Variants in PRKG1 observed in about 807,000 individuals in gnomAD.
The protein encoded by PRKG1 is protein kinase cGMP-dependent 1, also known as cGMP-dependent protein kinase 1.
Under a neutral mutation model 88.1 loss-of-function variants are expected in PRKG1, and 35 were observed. The ratio of observed to expected loss-of-function variants is 0.40; its 90% CI spans 0.30 to 0.53. The LOEUF (loss-of-function observed/expected upper bound fraction) is 0.53, where lower values mean the gene tolerates loss of function less well. PRKG1 is among the 20% of genes least tolerant of loss of function. PRKG1 has a pLI of 0.59. For synonymous variants in PRKG1, 303 were observed against 292.5 expected, an observed-to-expected ratio of 1.04 and a Z score of -0.37; for missense variants, 540 against 839.8, an observed-to-expected ratio of 0.64 and a Z score of 4.41.
chr10:51,995,254 T>C (rs924037455), intron 5 of PRKG1, among the ~76,000 whole-genome samples: 1 of 152,030 alleles, frequency 6.6e-6, no homozygotes, highest in Non-Finnish European at 1.5e-5. Flanking sequence ...ATTTTGTGTG[T>C]GGTAGGTACT....
chr10:51,121,803 G>A (rs562329769), intron 1 of PRKG1, among the ~76,000 whole-genome samples: 66 of 152,224 alleles, frequency 4.3e-4, no homozygotes, highest in African/African-American at 1.3e-3. Flanking sequence ...CTAACTGTTC[G>A]TTGGATTCGT....
intron 1 of PRKG1, among the ~76,000 whole-genome samples, chr10:51,047,786 C>G (rs1843509154): frequency 6.6e-6 from 1 of 151,718 alleles, no homozygotes; most frequent in African/African-American, 2.4e-5. Context: ...TATTTTCTAT[C>G]AAAAATGAAA....
intron 2 of PRKG1, among the ~76,000 whole-genome samples, chr10:51,222,175 C>T (rs143687083): frequency 0.021 from 3,222 of 150,252 alleles, 47 homozygotes; most frequent in Middle Eastern, 0.042. Flanking sequence ...CATGAGCCAC[C>T]GCGCCCAGCC....
chr10:51,384,276 T>G (rs1170541508), intron 2 of PRKG1, among the ~76,000 whole-genome samples: 1 of 152,136 alleles, frequency 6.6e-6, no homozygotes, highest in Admixed American at 6.5e-5. Context: ...CAGCTACATG[T>G]ACAAGTTCTA....
At chr10:52,196,823 C>A (rs571202113) in intron 9 of PRKG1, among the ~76,000 whole-genome samples, 2 of 151,954 alleles carry the variant, frequency 1.3e-5, no homozygotes, top group African/African-American at 4.8e-5. Flanking sequence ...ATTTCAAAAC[C>A]TCTTTGAAAT....
chr10:51,470,022 CT>C (rs1435591501), intron 3 of PRKG1, among the ~76,000 whole-genome samples: 1 of 151,766 alleles, frequency 6.6e-6, no homozygotes, highest in Non-Finnish European at 1.5e-5. Flanking sequence ...GGAGATTGTA[CT>C]TGTGACTGTA....
chr10:52,062,113 A>G (rs1303717647), intron 6 of PRKG1, among the ~76,000 whole-genome samples: 1 of 152,158 alleles, frequency 6.6e-6, no homozygotes, highest in Non-Finnish European at 1.5e-5. Flanking sequence ...AATTAAAACA[A>G]TATTAAGAGA....
At chr10:51,009,779 T>C (rs1309161467) in intron 1 of PRKG1, among the ~76,000 whole-genome samples, 1 of 152,218 alleles carries the variant, frequency 6.6e-6, no homozygotes, top group African/African-American at 2.4e-5. Flanking sequence ...TTTGGACTTC[T>C]TGAAGATATA....
chr10:51,142,987 A>G lies in PRKG1; in HGVS notation c.312-10177A>G, dbSNP rs533440944. ...CATAGTTATCATTTTTATGGTGAGA[A>G]TACAACATCCATTGTCCTTACATGT... On this transcript the variant is annotated intron_variant, in intron 1 of 17. Transcript: ENST00000373980. Among the ~76,000 whole-genome samples the G allele has an allele frequency of 5.3e-5, 8 of 152,280 alleles. No homozygotes were observed. In the South Asian group the frequency reaches 1.7e-3, roughly 32 times the overall value.
chr10:51,815,479 T>C (rs1001397866), intron 4 of PRKG1, among the ~76,000 whole-genome samples: 2 of 152,106 alleles, frequency 1.3e-5, no homozygotes, highest in African/African-American at 4.8e-5. Context: ...CACTTCCTCA[T>C]GGTTGGAGAG....
intron 2 of PRKG1, among the ~76,000 whole-genome samples, chr10:51,461,026 G>T (rs1440712326): frequency 6.6e-6 from 1 of 152,080 alleles, no homozygotes; most frequent in Admixed American, 6.6e-5. Flanking sequence ...GAGATTTTTA[G>T]TTTTGGATAG....
chr10:51,797,944 C>T (rs1033774171), intron 3 of PRKG1, among the ~76,000 whole-genome samples: 3 of 151,932 alleles, frequency 2.0e-5, no homozygotes, highest in African/African-American at 7.2e-5. Flanking sequence ...TAATGTTTTC[C>T]ATGTTTATCT....
chr10:51,351,462 C>T (rs904563012), intron 2 of PRKG1, among the ~76,000 whole-genome samples: 20 of 152,098 alleles, frequency 1.3e-4, no homozygotes, highest in African/African-American at 4.6e-4. Flanking sequence ...ACTGGTATGA[C>T]ATGGTATCTC....
At chr10:51,284,753 C>G (rs1023548673) in intron 2 of PRKG1, among the ~76,000 whole-genome samples, 3 of 151,756 alleles carry the variant, frequency 2.0e-5, no homozygotes, top group African/African-American at 7.3e-5. Flanking sequence ...AGAGTTCATG[C>G]TGCAGGGCCA....
chr10:51,739,201 T>C (rs1344863631), intron 3 of PRKG1, among the ~76,000 whole-genome samples: 4 of 152,206 alleles, frequency 2.6e-5, no homozygotes, highest in African/African-American at 9.6e-5. Context: ...TGTCTTTTTT[T>C]CCCTAATTGC....
intron 5 of PRKG1, among the ~76,000 whole-genome samples, chr10:51,913,719 T>TA (rs1458454564): frequency 1.3e-5 from 2 of 152,178 alleles, no homozygotes; most frequent in African/African-American, 2.4e-5. Context: ...TGTTCACTGT[T>TA]ATTGTCACTG....
chr10:51,282,351 T>G (rs1840322036), intron 2 of PRKG1, among the ~76,000 whole-genome samples: 1 of 152,054 alleles, frequency 6.6e-6, no homozygotes, highest in Non-Finnish European at 1.5e-5. Context: ...AAGAAACATT[T>G]TGGTTATATA....
At chr10:51,573,984 G>A (rs1211009332) in intron 3 of PRKG1, among the ~76,000 whole-genome samples, 2 of 151,862 alleles carry the variant, frequency 1.3e-5, no homozygotes, top group Non-Finnish European at 2.9e-5. Context: ...ACAACATTAG[G>A]CAATGAAGTG....
At chr10:51,681,853 C>T (rs746311858) in intron 3 of PRKG1, among the ~76,000 whole-genome samples, 2 of 152,114 alleles carry the variant, frequency 1.3e-5, no homozygotes, top group Non-Finnish European at 2.9e-5. Flanking sequence ...TTGTGTACCA[C>T]CTTTGAAACC....
Sources: gnomAD v4.1 joint callset for allele counts (sites outside exome capture counted in the v4.1 genomes callset) on GRCh38, gnomAD v4.1.1 for gene constraint, MANE v1.5 for transcripts, NCBI Gene and HGNC (gene_info 2026-07-23, HGNC 2026-07-21) for gene names.